Variants in WDR62 observed in about 807,000 individuals in gnomAD.
The protein encoded by WDR62 is WD repeat domain 62, also known as WD repeat-containing protein 62.
Under a neutral mutation model 160.6 loss-of-function variants are expected in WDR62, and 112 were observed. That is an observed-to-expected ratio of 0.70 (90% CI 0.60 to 0.82). WDR62 has a LOEUF of 0.82. WDR62 is among the 40% of genes least tolerant of loss of function. WDR62 has a pLI of 0.00. For synonymous variants in WDR62, 792 were observed against 815.1 expected, an observed-to-expected ratio of 0.97 and a Z score of 0.48; for missense variants, 1,819 against 1,983.8, an observed-to-expected ratio of 0.92 and a Z score of 1.58.
At chr19:36,063,828 T>C (rs978354894) in intron 3 of WDR62, among the ~76,000 whole-genome samples, 1 of 152,254 alleles carries the variant, frequency 6.6e-6, no homozygotes, top group African/African-American at 2.4e-5. Flanking sequence ...GGGACATCTT[T>C]CCTGAGACAG....
At chr19:36,091,057 T>C in intron 16 of WDR62, 143 bp from the exon 17 acceptor site, 1 of 720,264 alleles carries the variant, frequency 1.4e-6, no homozygotes, top group Admixed American at 2.0e-5. Context: ...GTTAATTTCT[T>C]CACGTGTCGA....
rs749882036 is a variant in WDR62 at position 36,086,818 on chromosome 19, C to A, written c.1768+6C>A. ...CACCGCCATCAAGTTCGCTGGTGAG[C>A]CCCTTTCTTCCCGCTCCCTGCGCCT... On this transcript the variant is annotated splice_donor_region_variant and intron_variant, in intron 13 of 31. Coordinates refer to ENST00000401500, the MANE Select transcript of WDR62 (RefSeq NM_001083961.2). The A allele has an allele frequency of 5.6e-6, 9 of 1,608,456 alleles. No homozygotes were observed. The African/African-American group carries it at 6.7e-5, about 12-fold the overall frequency.
At chr19:36,067,262 T>G in intron 5 of WDR62, 44 bp from the exon 6 acceptor site, 9 of 1,613,660 alleles carry the variant, frequency 5.6e-6, no homozygotes, top group Non-Finnish European at 7.6e-6. Flanking sequence ...AACAGTCCAG[T>G]GGAATGAGTG....
Position 36,103,228 on chromosome 19 carries a change from C to T in WDR62, c.3514+21C>T, listed in dbSNP as rs920932311. 16 of 1,613,092 alleles carry T rather than the reference C, an allele frequency of 9.9e-6. No individual in the cohort carries two copies. In the African/African-American group the frequency reaches 1.1e-4, roughly 11 times the overall value. ...ACCACGTGAGTGCCCCAGTCCCAGA[C>T]GGACAGTCCTGGGTTTCTCGGCGAG... On this transcript the variant is annotated intron_variant, in intron 29 of 31. Transcript: ENST00000401500.
At chr19:36,067,721 T>C (rs1971017770) in intron 6 of WDR62, 107 bp from the exon 7 acceptor site, 1 of 1,320,700 alleles carries the variant, frequency 7.6e-7, no homozygotes, top group Non-Finnish European at 1.1e-6. Context: ...CCCTTCTCCA[T>C]TTGGAAGAGC....
At position 36,072,241 on chromosome 19, in the gene WDR62, A is replaced by C. The variant is rs142527153; in HGVS notation, c.1043+525A>C. Among the ~76,000 whole-genome samples, 430 of 152,254 alleles carry C rather than the reference A, an allele frequency of 2.8e-3. 1 individual carries two copies. The highest frequency in any genetic ancestry group is 0.02 in the Middle Eastern group (6 of 294). On this transcript the variant is annotated intron_variant, in intron 8 of 31. Transcript: ENST00000401500. ...AGAGTGACTGGGGTGGGCTGTGCTG[A>C]TTGGGTGCCTGGTGAGAAGGAGCTG... is the stretch of plus-strand genomic sequence containing the variant.
chr19:36,090,667 C>T (rs1325502817), intron 16 of WDR62, 147 bp downstream of exon 16: 19 of 785,480 alleles, frequency 2.4e-5, no homozygotes, highest in African/African-American at 5.1e-5. Flanking sequence ...AGGATGCTTG[C>T]GAGAGGGTGG....
At position 36,094,272 on chromosome 19, in the gene WDR62, G is replaced by A. The variant is rs62109756; in HGVS notation, c.2467+108G>A. The A allele has an allele frequency of 0.11, 156,753 of 1,446,944 alleles. 9,488 individuals carry two copies. The highest frequency in any genetic ancestry group is 0.23 in the African/African-American group (16,198 of 71,796). The allele number at this position is 1,446,944 out of a possible 1,614,324, so 89.6% of individuals were successfully genotyped here. A position where few individuals can be genotyped will look rare whatever the true frequency, so the allele number is the denominator to read the frequency against. ...TGGCACATATTAAAACTCAGGAGTCGACAGGGTGCGGTGGCTGATACCTGT... is the reference window on the plus strand; with the variant it reads ...TGGCACATATTAAAACTCAGGAGTCAACAGGGTGCGGTGGCTGATACCTGT... On this transcript the variant is annotated intron_variant, in intron 20 of 31. Coordinates refer to ENST00000401500, the MANE Select transcript of WDR62 (RefSeq NM_001083961.2).
intron 11 of WDR62, among the ~76,000 whole-genome samples, chr19:36,084,077 G>C (rs1024654352): frequency 3.3e-5 from 5 of 152,080 alleles, no homozygotes; most frequent in African/African-American, 1.2e-4. Flanking sequence ...GGTGGGCGCT[G>C]GCCTGAGCAC....
chr19:36,069,891 G>C (rs913881636), intron 7 of WDR62, among the ~76,000 whole-genome samples: 1 of 151,960 alleles, frequency 6.6e-6, no homozygotes, highest in Non-Finnish European at 1.5e-5. Flanking sequence ...GCAGGCACTC[G>C]GCAGGCTGAG....
chr19:36,079,529 C>T (rs1462664711), intron 9 of WDR62, among the ~76,000 whole-genome samples: 1 of 152,196 alleles, frequency 6.6e-6, no homozygotes, highest in Non-Finnish European at 1.5e-5. Context: ...AGCAGTTTCT[C>T]TTCAGTGTGG....
At chr19:36,107,999 C>T (rs1973743679), downstream of WDR62, among the ~76,000 whole-genome samples, 2 of 152,024 alleles carry the variant, frequency 1.3e-5, no homozygotes, top group Admixed American at 6.5e-5. Flanking sequence ...GGGAAACCAC[C>T]GAGGCTGGTG....
At chr19:36,108,805 G>A (rs1233963979), downstream of WDR62, among the ~76,000 whole-genome samples, 1 of 146,946 alleles carries the variant, frequency 6.8e-6, no homozygotes, top group Admixed American at 7.0e-5. Context: ...AGTGAGCTGT[G>A]TTCACTCCAC....
intron 7 of WDR62, among the ~76,000 whole-genome samples, chr19:36,068,631 C>G (rs1228446967): frequency 6.6e-6 from 1 of 152,222 alleles, no homozygotes; most frequent in East Asian, 1.9e-4. Flanking sequence ...GCATTTAACC[C>G]TGAATGGACA....
At position 36,103,607 on chromosome 19, in the gene WDR62, C is replaced by A; in HGVS notation, c.3779C>A (p.Ser1260Tyr). Residue 1260 changes from serine to tyrosine, a missense_variant, in exon 30 of 32, where the codon TCC becomes TAC. Physicochemically the swap from Ser to Tyr is moderately radical, Grantham distance 144. Coordinates refer to ENST00000401500, the MANE Select transcript of WDR62 (RefSeq NM_001083961.2). ...RRPSSVGELA[S>Y]LGQELQAITT... Reference sequence around the variant, plus strand: ...CCATCGTCCGTTGGGGAGCTGGCCTCCTTGGGCCAGGAGCTTCAGGCCATC... The same window carrying A: ...CCATCGTCCGTTGGGGAGCTGGCCTACTTGGGCCAGGAGCTTCAGGCCATC... 1.2e-6 allele frequency: 2 copies of A among 1,612,832 alleles called. No homozygotes were observed. Among genetic ancestry groups the A allele is most frequent in the Non-Finnish European group, 1.7e-6 (2 of 1,180,012 alleles).
rs1247766061 is a variant in WDR62 at position 36,097,016 on chromosome 19, T to C, written c.2468-11T>C. 3 of 1,610,136 alleles carry C rather than the reference T, an allele frequency of 1.9e-6. No individual in the cohort carries two copies. In the African/African-American group the frequency reaches 4.0e-5, roughly 22 times the overall value. On this transcript the variant is annotated splice_polypyrimidine_tract_variant and intron_variant, in intron 20 of 31. Coordinates refer to ENST00000401500, the MANE Select transcript of WDR62 (RefSeq NM_001083961.2). Reference sequence around the variant, plus strand: ...GTTTGTCCTCTTTTCATGGATTCTGTGTCTTTCCAGATCCTCGTTGCCTGC... The same window carrying C: ...GTTTGTCCTCTTTTCATGGATTCTGCGTCTTTCCAGATCCTCGTTGCCTGC...
intron 9 of WDR62, among the ~76,000 whole-genome samples, chr19:36,077,251 CCTT>C (rs1306848417): frequency 6.8e-6 from 1 of 146,260 alleles, no homozygotes; most frequent in African/African-American, 2.5e-5. Flanking sequence ...TCTTTTCTCT[CCTT>C]CTTTCCTTCC....
At chr19:36,088,963 A>G (rs1972420809) in intron 13 of WDR62, 75 bp from the exon 14 acceptor site, 3 of 1,524,336 alleles carry the variant, frequency 2.0e-6, no homozygotes, top group South Asian at 1.1e-5. Flanking sequence ...TGGCTCTTGC[A>G]GTGGAGTTCC....
In WDR62 at chr19:36,103,721, G is replaced by C. The variant is rs1284750218; in HGVS notation, c.3893G>C (p.Arg1298Thr). ...AACCACGAGGCCCGGGCCAACCTGA[G>C]ACTGACCCTGTCAAGTGCCTGTGAT... ...WGNHEARANL[R>T]LTLSSACDGL... is the part of the protein sequence containing the mutation. The change falls in exon 30 of 32, where the codon AGA becomes ACA. Residue 1298 changes from arginine (R) to threonine (T), a missense_variant. Transcript: ENST00000401500. 21 of 1,611,002 alleles carry C rather than the reference G, an allele frequency of 1.3e-5. No homozygotes were observed. Among genetic ancestry groups the C allele is most frequent in the Non-Finnish European group, 1.8e-5 (21 of 1,179,968 alleles).
Sources: allele counts gnomAD v4.1 joint callset (sites outside exome capture counted in the v4.1 genomes callset), GRCh38; gene constraint gnomAD v4.1.1; transcripts MANE v1.5; gene names NCBI Gene and HGNC (gene_info 2026-07-23, HGNC 2026-07-21).